The following FCHSD2 variants were observed in gnomAD, a reference collection of about 807,000 sequenced individuals.
The protein encoded by FCHSD2 is F-BAR and double SH3 domains protein 2.
A neutral mutation model predicts 108.1 loss-of-function variants in FCHSD2; 38 were observed. The ratio of observed to expected loss-of-function variants is 0.35; its 90% confidence interval spans 0.27 to 0.46. The LOEUF (loss-of-function observed/expected upper bound fraction) is 0.46. FCHSD2 is among the 20% of genes least tolerant of loss of function. The pLI is 1.00. For synonymous variants in FCHSD2, 279 were observed against 314.7 expected, an observed-to-expected ratio of 0.89 and a Z score of 1.20; for missense variants, 751 against 897.8, an observed-to-expected ratio of 0.84 and a Z score of 2.09.
chr11:73,000,197 A>C (rs1206761027), intron 5 of FCHSD2, among the ~76,000 whole-genome samples: 1 of 152,250 alleles, frequency 6.6e-6, no homozygotes, highest in Non-Finnish European at 1.5e-5. Context: ...AATGACAATT[A>C]GAATCAAAAC....
At chr11:73,071,824 T>C (rs1000607253) in intron 3 of FCHSD2, among the ~76,000 whole-genome samples, 1 of 152,136 alleles carries the variant, frequency 6.6e-6, no homozygotes, top group African/African-American at 2.4e-5. Flanking sequence ...GTAACTACTG[T>C]ATCCCTCAAA....
intron 2 of FCHSD2, among the ~76,000 whole-genome samples, chr11:73,085,624 C>T (rs1011430272): frequency 5.3e-5 from 8 of 151,990 alleles, no homozygotes; most frequent in African/African-American, 1.9e-4. Flanking sequence ...CGGGAAGGTG[C>T]AGGTTCACAA....
At position 73,141,980 on chromosome 11, in the gene FCHSD2, TG is replaced by T; in HGVS notation, c.-104del. 8.3e-7 allele frequency: 1 copy of T among 1,203,632 alleles called. No homozygotes were observed. The highest frequency in any genetic ancestry group is 1.2e-6 in the Non-Finnish European group (1 of 862,238). The allele number at this position is 1,203,632 out of a possible 1,614,324, so 74.6% of individuals were successfully genotyped here. A position where few individuals can be genotyped will look rare whatever the true frequency, so the allele number is the denominator to read the frequency against. On this transcript the variant is annotated 5_prime_UTR_variant, in exon 1 of 20. Coordinates refer to ENST00000409418, the MANE Select transcript of FCHSD2 (RefSeq NM_014824.3). The stretch of plus-strand genomic sequence containing the variant: ...GGACGGCCCAGCGAGCGCGCGCGTG[TG>T]TGAAAGGAGCGCTTAAGAAGCAAGA...
At chr11:73,103,246 A>AT (rs1250694494) in intron 2 of FCHSD2, among the ~76,000 whole-genome samples, 5 of 152,312 alleles carry the variant, frequency 3.3e-5, no homozygotes, top group African/African-American at 9.6e-5. Flanking sequence ...TTGTATGCAA[A>AT]TTGTCTCAGT....
intron 8 of FCHSD2, among the ~76,000 whole-genome samples, chr11:72,925,015 A>C (rs1856049282): frequency 6.6e-6 from 1 of 152,162 alleles, no homozygotes; most frequent in African/African-American, 2.4e-5. Context: ...AAACCATTGG[A>C]GTATTTTGAG....
At chr11:72,870,214 T>C (rs2135209634) in intron 12 of FCHSD2, among the ~76,000 whole-genome samples, 3 of 152,320 alleles carry the variant, frequency 2.0e-5, no homozygotes, top group Middle Eastern at 6.8e-3. Context: ...AGGCAGTTAA[T>C]AATTCCTTTT....
intron 8 of FCHSD2, among the ~76,000 whole-genome samples, chr11:72,958,074 T>C (rs934257838): frequency 6.6e-6 from 1 of 152,246 alleles, no homozygotes; most frequent in East Asian, 1.9e-4. Context: ...ACTACTTTAA[T>C]GTACTCTGTT....
chr11:72,861,520 T>C (rs1041888368), intron 13 of FCHSD2, among the ~76,000 whole-genome samples: 2 of 152,138 alleles, frequency 1.3e-5, no homozygotes, highest in Admixed American at 1.3e-4. Flanking sequence ...AGAGGATACT[T>C]TTCAAATCAT....
intron 8 of FCHSD2, among the ~76,000 whole-genome samples, chr11:72,967,248 G>A (rs1163968929): frequency 6.6e-6 from 1 of 151,514 alleles, no homozygotes; most frequent in East Asian, 1.9e-4. Context: ...AGTGAAGAGA[G>A]GGATTGTTTT....
At chr11:72,873,687 G>C (rs1046527063) in intron 12 of FCHSD2, among the ~76,000 whole-genome samples, 2 of 151,376 alleles carry the variant, frequency 1.3e-5, no homozygotes, top group Non-Finnish European at 2.9e-5. Context: ...GGTTTTTTTT[G>C]TAAGTTTATT....
At chr11:73,116,496 T>G (rs1860604075) in intron 2 of FCHSD2, among the ~76,000 whole-genome samples, 1 of 152,200 alleles carries the variant, frequency 6.6e-6, no homozygotes, top group Non-Finnish European at 1.5e-5. Context: ...ATGTCTTTTC[T>G]GGGCCTAGTG....
chr11:73,054,043 G>A (rs1265317661), intron 3 of FCHSD2, among the ~76,000 whole-genome samples: 1 of 152,084 alleles, frequency 6.6e-6, no homozygotes, highest in Admixed American at 6.5e-5. Flanking sequence ...GAGTGCACAG[G>A]TTGGCAAATT....
intron 6 of FCHSD2, among the ~76,000 whole-genome samples, chr11:72,986,357 C>T (rs1857311872): frequency 6.6e-6 from 1 of 152,000 alleles, no homozygotes; most frequent in Non-Finnish European, 1.5e-5. Context: ...CTACAGGCGC[C>T]TGCCACCACG....
chr11:72,887,590 G>A lies in FCHSD2; in HGVS notation c.1042-16C>T. 1.4e-6 allele frequency: 2 copies of A among 1,436,802 alleles called. No homozygotes were observed. Among genetic ancestry groups the A allele is most frequent in the Non-Finnish European group, 1.9e-6 (2 of 1,061,936 alleles). The allele number at this position is 1,436,802 out of a possible 1,614,324, so 89.0% of individuals were successfully genotyped here. On this transcript the variant is annotated splice_polypyrimidine_tract_variant and intron_variant, in intron 11 of 19. Transcript: ENST00000409418. ...CATTTAGAACCTATTAAAGAAAATG[G>A]GACAATAATGATGACTGTTTTTTAC...
At chr11:73,001,758 G>A (rs1000648113) in intron 4 of FCHSD2, among the ~76,000 whole-genome samples, 12 of 152,134 alleles carry the variant, frequency 7.9e-5, no homozygotes, top group African/African-American at 2.9e-4. Flanking sequence ...CTCTACATCT[G>A]TCTCCCTGTT....
intron 8 of FCHSD2, among the ~76,000 whole-genome samples, chr11:72,926,166 C>T (rs947622133): frequency 2.6e-5 from 4 of 152,156 alleles, no homozygotes; most frequent in African/African-American, 9.6e-5. Context: ...AGTAAGGCCC[C>T]ACCTTCAGGC....
rs866111193 is a variant in FCHSD2 at position 72,990,879 on chromosome 11, A to G, written c.388-1782T>C. Among the ~76,000 whole-genome samples, 8 of 152,222 alleles carry G rather than the reference A, an allele frequency of 5.3e-5. No homozygotes were observed. In the South Asian group the frequency reaches 1.7e-3, roughly 31 times the overall value. The stretch of plus-strand genomic sequence containing the variant: ...AGACCAGAACAGAACTGAACGAAAT[A>G]GAGACACAAAAAAACCCTTCACAAA... On this transcript the variant is annotated intron_variant, in intron 5 of 19. Transcript: ENST00000409418.
chr11:73,055,528 T>C (rs970342469), intron 3 of FCHSD2, among the ~76,000 whole-genome samples: 1 of 152,154 alleles, frequency 6.6e-6, no homozygotes, highest in Admixed American at 6.5e-5. Context: ...TACAAGCTAA[T>C]GATAGCAGAA....
At chr11:73,071,168 CT>C (rs1859426774) in intron 3 of FCHSD2, among the ~76,000 whole-genome samples, 2 of 152,206 alleles carry the variant, frequency 1.3e-5, no homozygotes, top group African/African-American at 2.4e-5. Context: ...CTCTAACTAG[CT>C]AATACCTTCT....
Sources: gnomAD v4.1 joint callset for allele counts (sites outside exome capture counted in the v4.1 genomes callset) on GRCh38, gnomAD v4.1.1 for gene constraint, MANE v1.5 for transcripts, NCBI Gene and HGNC (gene_info 2026-07-23, HGNC 2026-07-21) for gene names.